Variants in DMD observed in about 807,000 individuals in gnomAD.
DMD encodes the protein mutant dystrophin.
In DMD, 63 loss-of-function variants were observed where a neutral mutation model predicts 330.1. That is an observed-to-expected ratio of 0.19 (90% CI 0.16 to 0.24). The LOEUF (loss-of-function observed/expected upper bound fraction) is 0.24. Ranked by LOEUF, DMD falls within the 10% of genes least tolerant of loss-of-function variation. The pLI, the probability that DMD is intolerant of heterozygous loss-of-function variation, is 1.00. For missense variants in DMD, 3,344 were observed against 2,684.1 expected, an observed-to-expected ratio of 1.25 and a Z score of -5.43; for synonymous variants, 1,223 against 959.8, an observed-to-expected ratio of 1.27 and a Z score of -5.07.
At chrX:33,324,395 T>C (rs2054060380) in intron 1 of DMD, among the ~76,000 whole-genome samples, 1 of 111,925 alleles carries the variant, frequency 8.9e-6, no homozygotes, top group South Asian at 3.7e-4. Context: ...AGAACAATAA[T>C]CATTATAATT....
rs761964562 is a variant in DMD at position 32,644,190 on chromosome X, T to A, written c.1273A>T (p.Asn425Tyr). Reference sequence around the variant, plus strand: ...CATTCCCATCTTGAATTTAGGAGATTCATCTGCTCTTGTACTTCAGTTTCT... The same window carrying A: ...CATTCCCATCTTGAATTTAGGAGATACATCTGCTCTTGTACTTCAGTTTCT... Reference protein sequence around the residue: ...DEETEVQEQMNLLNSRWECLR... With the variant: ...DEETEVQEQMYLLNSRWECLR... The change falls in exon 11 of 79, where the codon AAT becomes TAT. Residue 425 changes from asparagine to tyrosine, a missense_variant. Asn to Tyr is a moderately radical substitution (Grantham distance 143). Transcript: ENST00000357033. 8.3e-7 allele frequency: 1 copy of A among 1,208,132 alleles called. No homozygotes were observed. Among genetic ancestry groups the A allele is most frequent in the East Asian group, 3.0e-5 (1 of 33,722 alleles).
At chrX:32,719,497 C>G (rs1033172133) in intron 7 of DMD, among the ~76,000 whole-genome samples, 12 of 111,351 alleles carry the variant, frequency 1.1e-4, no homozygotes, top group African/African-American at 3.9e-4. Flanking sequence ...AACTTTGGGT[C>G]ATTGTACTAA....
At chrX:31,451,103 T>G (rs1413612473) in intron 59 of DMD, among the ~76,000 whole-genome samples, 15 of 108,600 alleles carry the variant, frequency 1.4e-4, no homozygotes, top group Admixed American at 7.8e-4. Flanking sequence ...ATTTTGTTTT[T>G]TTTTTTTTTT....
intron 61 of DMD, among the ~76,000 whole-genome samples, chrX:31,334,214 G>A (rs1373624624): frequency 3.6e-5 from 4 of 112,386 alleles, no homozygotes; most frequent in African/African-American, 1.3e-4. Flanking sequence ...GATCACAGGC[G>A]TGAGCCACCG....
intron 44 of DMD, among the ~76,000 whole-genome samples, chrX:32,080,732 A>C (rs755685192): frequency 7.2e-5 from 8 of 111,758 alleles, no homozygotes; most frequent in Non-Finnish European, 1.5e-4. Flanking sequence ...GGTGGCAGAC[A>C]GCCTTCAGCT....
chrX:32,007,300 G>A (rs1452956722), intron 44 of DMD, among the ~76,000 whole-genome samples: 3 of 109,081 alleles, frequency 2.8e-5, no homozygotes, highest in African/African-American at 6.7e-5. Context: ...GTTATGTGAG[G>A]TCAGGAGCAG....
intron 18 of DMD, among the ~76,000 whole-genome samples, chrX:32,502,613 T>C (rs758880300): frequency 2.7e-5 from 3 of 112,284 alleles, no homozygotes; most frequent in African/African-American, 9.7e-5. Flanking sequence ...TATAACAATG[T>C]GTATGTCCTA....
intron 55 of DMD, among the ~76,000 whole-genome samples, chrX:31,621,248 A>C (rs745787789): frequency 9.0e-6 from 1 of 111,700 alleles, no homozygotes; most frequent in Non-Finnish European, 1.9e-5. Flanking sequence ...CCCACAAAAC[A>C]TATGACAGTG....
At chrX:32,868,518 G>A (rs1397724473) in intron 2 of DMD, among the ~76,000 whole-genome samples, 2 of 112,293 alleles carry the variant, frequency 1.8e-5, no homozygotes, top group Non-Finnish European at 3.8e-5. Flanking sequence ...TGTAGGGAGG[G>A]CAGCAGCCAT....
intron 1 of DMD, among the ~76,000 whole-genome samples, chrX:33,064,391 TTCTC>T (rs963313052): frequency 9.0e-6 from 1 of 111,510 alleles, no homozygotes; most frequent in African/African-American, 3.3e-5. Flanking sequence ...TGTTACTTCT[TTCTC>T]TATCTCACTC....
intron 59 of DMD, among the ~76,000 whole-genome samples, chrX:31,444,932 C>T (rs990883545): frequency 9.0e-6 from 1 of 111,437 alleles, no homozygotes; most frequent in Non-Finnish European, 1.9e-5. Context: ...TGTGAGGGTG[C>T]AGTGAGAAGG....
intron 62 of DMD, among the ~76,000 whole-genome samples, chrX:31,290,058 T>A (rs1350875769): frequency 9.2e-6 from 1 of 108,296 alleles, no homozygotes; most frequent in Non-Finnish European, 1.9e-5. Context: ...GTAGCTGGGA[T>A]TACAGGTGCA....
At chrX:31,557,873 C>A (rs374458866) in intron 55 of DMD, among the ~76,000 whole-genome samples, 105 of 109,374 alleles carry the variant, frequency 9.6e-4, no homozygotes, top group African/African-American at 3.3e-3. Flanking sequence ...AAAAAAAAAA[C>A]CCCACTGGGC....
intron 1 of DMD, among the ~76,000 whole-genome samples, chrX:33,085,147 A>G (rs2094985952): frequency 9.0e-6 from 1 of 111,704 alleles, no homozygotes; most frequent in Admixed American, 9.6e-5. Flanking sequence ...TGTATTACTG[A>G]TGATTTAAGT....
rs997154060 is a variant in DMD at position 31,602,658 on chromosome X, T to C, written c.8217+25015A>G. Among the ~76,000 whole-genome samples, 6 of 111,633 alleles carry C rather than the reference T, an allele frequency of 5.4e-5. 1 individual carries two copies. The highest frequency in any genetic ancestry group is 2.0e-4 in the African/African-American group (6 of 30,688). On this transcript the variant is annotated intron_variant, in intron 55 of 78. Coordinates refer to ENST00000357033, the MANE Select transcript of DMD (RefSeq NM_004006.3). ...AAAACGGCTGTTTTGGCTACTGCTA[T>C]AATAAGATGCTGCATACTTCACATG...
At chrX:32,626,199 A>AGTGGCTCAG (rs1261254375) in intron 11 of DMD, among the ~76,000 whole-genome samples, 9 of 112,193 alleles carry the variant, frequency 8.0e-5, no homozygotes, top group African/African-American at 2.6e-4. Flanking sequence ...GGCTGGGCAC[A>AGTGGCTCAG]GTGGCTCAGG....
chrX:32,305,381 A>C (rs115301612), intron 42 of DMD, among the ~76,000 whole-genome samples: 6,536 of 111,248 alleles, frequency 0.059, 487 homozygotes, highest in African/African-American at 0.2. Context: ...AAGAAATCAT[A>C]CATCTCTCAA....
intron 21 of DMD, among the ~76,000 whole-genome samples, chrX:32,482,915 T>C (rs1317999499): frequency 9.2e-6 from 1 of 108,295 alleles, no homozygotes; most frequent in African/African-American, 3.3e-5. Flanking sequence ...AAAAAGCAAG[T>C]TTAAAAAAGT....
chrX:31,437,423 C>A (rs1248973990), intron 60 of DMD, among the ~76,000 whole-genome samples: 1 of 111,557 alleles, frequency 9.0e-6, no homozygotes, highest in Non-Finnish European at 1.9e-5. Flanking sequence ...GAATTGCAGG[C>A]CTCACCCGAT....
Sources: allele counts gnomAD v4.1 joint callset (sites outside exome capture counted in the v4.1 genomes callset), GRCh38; gene constraint gnomAD v4.1.1; transcripts MANE v1.5; gene names NCBI Gene and HGNC (gene_info 2026-07-23, HGNC 2026-07-21).